The following STPG2 variants were observed in gnomAD, a reference collection of about 807,000 sequenced individuals.
STPG2 encodes the protein sperm tail PG-rich repeat containing 2.
STPG2 carries 56 observed loss-of-function variants against 54.2 expected under a neutral mutation model. That is an observed-to-expected ratio of 1.03 (90% CI 0.83 to 1.29). The LOEUF (loss-of-function observed/expected upper bound fraction) is 1.29, where lower values mean the gene tolerates loss of function less well. Among genes scored for constraint, STPG2 ranks in the 50% most tolerant of loss-of-function variants. The pLI, the probability that STPG2 is intolerant of heterozygous loss-of-function variation, is 0.00. For synonymous variants in STPG2, 200 were observed against 181.8 expected (o/e 1.10, Z -0.81); for missense variants, 596 against 544.9 (o/e 1.09, Z -0.93).
At chr4:97,872,149 A>G (rs1162906371) in intron 8 of STPG2, among the ~76,000 whole-genome samples, 14 of 151,174 alleles carry the variant, frequency 9.3e-5, no homozygotes, top group Non-Finnish European at 2.1e-4. Flanking sequence ...CTTTATTGAT[A>G]AAAATATATA....
intron 4 of STPG2, among the ~76,000 whole-genome samples, chr4:97,449,267 G>T (rs2148796588): frequency 6.6e-6 from 1 of 152,064 alleles, no homozygotes; most frequent in Non-Finnish European, 1.5e-5. Flanking sequence ...AATAAATTTT[G>T]CTTCCAATGA....
chr4:97,791,867 T>C (rs565183491), intron 9 of STPG2, among the ~76,000 whole-genome samples: 10 of 151,416 alleles, frequency 6.6e-5, no homozygotes, highest in African/African-American at 2.4e-4. Context: ...TTCAAGCTAA[T>C]GAAAACTGAG....
intron 9 of STPG2, among the ~76,000 whole-genome samples, chr4:97,738,013 T>C (rs1270081482): frequency 6.6e-6 from 1 of 152,164 alleles, no homozygotes; most frequent in East Asian, 1.9e-4. Flanking sequence ...AGCGGATCTC[T>C]TGGCAGAAAC....
chr4:97,643,284 T>G (rs1233283636), intron 10 of STPG2, among the ~76,000 whole-genome samples: 3 of 151,688 alleles, frequency 2.0e-5, no homozygotes, highest in Non-Finnish European at 4.4e-5. Context: ...ACAGGCTATT[T>G]AAATTATTAT....
At chr4:97,707,945 C>G (rs1348471191) in intron 10 of STPG2, among the ~76,000 whole-genome samples, 1 of 152,052 alleles carries the variant, frequency 6.6e-6, no homozygotes, top group Non-Finnish European at 1.5e-5. Context: ...AACAAGCATG[C>G]AAAACATGGT....
chr4:98,005,852 G>A (rs1373956517), intron 5 of STPG2, among the ~76,000 whole-genome samples: 1 of 152,082 alleles, frequency 6.6e-6, no homozygotes, highest in Non-Finnish European at 1.5e-5. Context: ...GTCCTTGTCT[G>A]GCTTTGCTAT....
At chr4:97,467,567 T>C (rs533126558) in intron 4 of STPG2, among the ~76,000 whole-genome samples, 3 of 151,876 alleles carry the variant, frequency 2.0e-5, no homozygotes, top group Non-Finnish European at 4.4e-5. Flanking sequence ...ACAAGGCACA[T>C]TAATAATAAA....
chr4:98,033,653 G>T (rs1268348475), intron 5 of STPG2, among the ~76,000 whole-genome samples: 1 of 152,036 alleles, frequency 6.6e-6, no homozygotes, highest in African/African-American at 2.4e-5. Flanking sequence ...AACAAAAAAA[G>T]AAAATTTTAG....
chr4:97,818,009 G>A (rs1330185315), intron 9 of STPG2, among the ~76,000 whole-genome samples: 1 of 150,998 alleles, frequency 6.6e-6, no homozygotes, highest in Non-Finnish European at 1.5e-5. Flanking sequence ...GAGTTTTTTT[G>A]GCCATTTCCT....
intron 10 of STPG2, among the ~76,000 whole-genome samples, chr4:97,576,257 A>C (rs773493763): frequency 6.6e-6 from 1 of 151,572 alleles, no homozygotes; most frequent in Non-Finnish European, 1.5e-5. Flanking sequence ...ATTAGAAAAA[A>C]ACTATACTAA....
intron 10 of STPG2, among the ~76,000 whole-genome samples, chr4:97,642,533 A>G (rs1249628944): frequency 6.6e-6 from 1 of 151,444 alleles, no homozygotes; most frequent in African/African-American, 2.4e-5. Flanking sequence ...TCTCAGGACC[A>G]AGGAAGTGAA....
chr4:98,024,374 C>T (rs1736342489), intron 5 of STPG2, among the ~76,000 whole-genome samples: 1 of 152,116 alleles, frequency 6.6e-6, no homozygotes, highest in Non-Finnish European at 1.5e-5. Flanking sequence ...GATAGCTACC[C>T]AACTGGAACA....
chr4:97,565,787 T>A (rs898131719), intron 10 of STPG2, among the ~76,000 whole-genome samples: 3 of 152,156 alleles, frequency 2.0e-5, no homozygotes, highest in Non-Finnish European at 4.4e-5. Flanking sequence ...TGATCGTTCC[T>A]CTGGAAGTTT....
intron 5 of STPG2, among the ~76,000 whole-genome samples, chr4:97,984,360 G>A (rs931609319): frequency 3.3e-5 from 5 of 151,994 alleles, no homozygotes; most frequent in Non-Finnish European, 7.4e-5. Flanking sequence ...GGCCAGGCTC[G>A]TCTCAAACTG....
chr4:97,643,204 T>C (rs1721813301), intron 10 of STPG2, among the ~76,000 whole-genome samples: 1 of 151,648 alleles, frequency 6.6e-6, no homozygotes, highest in Non-Finnish European at 1.5e-5. Flanking sequence ...GGAAAAATTT[T>C]TAAAAAGAGG....
intron 10 of STPG2, among the ~76,000 whole-genome samples, chr4:97,632,094 A>G (rs1228782469): frequency 1.3e-5 from 2 of 152,052 alleles, no homozygotes; most frequent in Non-Finnish European, 2.9e-5. Flanking sequence ...GGCATTTAGG[A>G]AGAATAAAAT....
intron 5 of STPG2, among the ~76,000 whole-genome samples, chr4:98,052,236 T>C (rs1737347363): frequency 6.6e-6 from 1 of 152,214 alleles, no homozygotes; most frequent in South Asian, 2.1e-4. Context: ...TGTAATTTAT[T>C]GCTTAAGGCA....
chr4:97,519,977 T>G (rs909473202), intron 4 of STPG2, among the ~76,000 whole-genome samples: 2 of 152,118 alleles, frequency 1.3e-5, no homozygotes, highest in Non-Finnish European at 2.9e-5. Context: ...CTAGTCTTTC[T>G]GTACCTCAGT....
At chr4:97,874,030 A>C (rs1025180080) in intron 8 of STPG2, among the ~76,000 whole-genome samples, 4 of 151,620 alleles carry the variant, frequency 2.6e-5, no homozygotes, top group African/African-American at 9.7e-5. Context: ...TAGAATGGAC[A>C]TAATGAAAGA....
Sources: allele counts gnomAD v4.1 joint callset (sites outside exome capture counted in the v4.1 genomes callset), GRCh38; gene constraint gnomAD v4.1.1; transcripts MANE v1.5; gene names NCBI Gene and HGNC (gene_info 2026-07-23, HGNC 2026-07-21).